NRDE2: variants seen among roughly 807,000 people sequenced by gnomAD.
The protein encoded by NRDE2 is nuclear exosome regulator NRDE2.
A neutral mutation model predicts 124.2 loss-of-function variants in NRDE2; 76 were observed. The observed-to-expected ratio is 0.61, with a 90% CI of 0.51 to 0.74. NRDE2 has a LOEUF of 0.74. Among genes scored for constraint, NRDE2 ranks in the 30% least tolerant of loss-of-function variants. NRDE2 has a pLI of 0.00. For synonymous variants in NRDE2, 489 were observed against 528.1 expected (o/e 0.93, Z 1.01); for missense variants, 1,314 against 1,417.3 (o/e 0.93, Z 1.17).
At chr14:90,322,064 G>A (rs1273057638) in intron 1 of NRDE2, among the ~76,000 whole-genome samples, 2 of 152,044 alleles carry the variant, frequency 1.3e-5, no homozygotes, top group Admixed American at 1.3e-4. Flanking sequence ...TCCACCCCAC[G>A]CCACGGAGCT....
intron 12 of NRDE2, among the ~76,000 whole-genome samples, chr14:90,285,289 AG>A (rs1892069635): frequency 7.0e-6 from 1 of 143,392 alleles, no homozygotes; most frequent in South Asian, 2.2e-4. Flanking sequence ...AAAAAAAAAA[AG>A]GAAATGTTGA....
At chr14:90,307,405 C>G (rs559673227) in intron 4 of NRDE2, among the ~76,000 whole-genome samples, 2 of 152,152 alleles carry the variant, frequency 1.3e-5, no homozygotes, top group East Asian at 3.9e-4. Context: ...TAAATGAAGG[C>G]ACTTTTGCTA....
At position 90,304,257 on chromosome 14, in the gene NRDE2, CTCT is replaced by C; in HGVS notation, c.680_682del (p.Lys227del). On this transcript the variant is annotated inframe_deletion, in exon 5 of 14. Coordinates refer to ENST00000354366, the MANE Select transcript of NRDE2 (RefSeq NM_017970.4). ...TCCATCGATGTTCATTAATCCCACA[CTCT>C]TCTTAGTAAAATAGCGTTCAACCTG... The C allele has an allele frequency of 6.2e-7, 1 of 1,614,184 alleles. No individual in the cohort carries two copies. The highest frequency in any genetic ancestry group is 8.5e-7 in the Non-Finnish European group (1 of 1,180,038).
rs764544257 is a variant in NRDE2 at position 90,303,119 on chromosome 14, C to T, written c.1012G>A (p.Val338Ile). 6.2e-7 allele frequency: 1 copy of T among 1,608,038 alleles called. No individual in the cohort carries two copies. The highest frequency in any genetic ancestry group is 1.1e-5 in the South Asian group (1 of 90,360). Residue 338 changes from valine to isoleucine, a missense_variant, in exon 6 of 14, where the codon GTC becomes ATC. Val to Ile is a conservative substitution (Grantham distance 29). Transcript: ENST00000354366. ...GCATACAGGCCAGGACTTTTCATGA[C>T]CTCGTCCTCAACAACAAAAACACCA... ...WMAFVAFQDE[V>I]MKSPGLYAIE...
At chr14:90,289,204 G>A in intron 10 of NRDE2, 59 bp from the exon 11 acceptor site, 1 of 1,389,928 alleles carries the variant, frequency 7.2e-7, no homozygotes, top group Non-Finnish European at 9.9e-7. Context: ...GTCCTCTGCT[G>A]CCAACTGTAG....
In NRDE2 at chr14:90,274,196, C is replaced by G. The variant is rs1313223949; in HGVS notation, c.*4140G>C. ...GAGCTGTCCATGTGGAGGAACACCACAGCACGGGGACTCAGCATGGGCAGG... is the reference window on the plus strand; with the variant it reads ...GAGCTGTCCATGTGGAGGAACACCAGAGCACGGGGACTCAGCATGGGCAGG... On this transcript the variant is annotated 3_prime_UTR_variant, in exon 14 of 14. Coordinates refer to ENST00000354366, the MANE Select transcript of NRDE2 (RefSeq NM_017970.4). 1 of 155,072 alleles carries G rather than the reference C, an allele frequency of 6.4e-6. No individual in the cohort carries two copies. Among genetic ancestry groups the G allele is most frequent in the Non-Finnish European group, 1.5e-5 (1 of 68,602 alleles). 9.6% of individuals were successfully genotyped at this position (155,072 alleles called of 1,614,324 possible). A position where few individuals can be genotyped will look rare whatever the true frequency, so the allele number is the denominator to read the frequency against.
intron 12 of NRDE2, among the ~76,000 whole-genome samples, chr14:90,282,485 A>T (rs1303070342): frequency 6.6e-6 from 1 of 151,918 alleles, no homozygotes; most frequent in Non-Finnish European, 1.5e-5. Context: ...CTCAAAAAAA[A>T]AAAACAAAAA....
At position 90,278,308 on chromosome 14, in the gene NRDE2, C is replaced by T. The variant is rs749024128; in HGVS notation, c.*28G>A. On this transcript the variant is annotated 3_prime_UTR_variant, in exon 14 of 14. Coordinates refer to ENST00000354366, the MANE Select transcript of NRDE2 (RefSeq NM_017970.4). ...CCGCAGGGTGGGCAACTTGGCCTCGCAGGCACAGCCCGTTTTCCCGCTGCT... is the reference window on the plus strand; with the variant it reads ...CCGCAGGGTGGGCAACTTGGCCTCGTAGGCACAGCCCGTTTTCCCGCTGCT... 6.2e-7 allele frequency: 1 copy of T among 1,613,728 alleles called. No homozygotes were observed. The highest frequency in any genetic ancestry group is 8.5e-7 in the Non-Finnish European group (1 of 1,179,752).
At position 90,268,904 on chromosome 14, in the gene NRDE2, TG is replaced by T. The variant is rs1891588818; in HGVS notation, c.*9431del. ...AATAGAAATGTATTTCCCACAGTTC[TG>T]GAGGCTGAGAAGCCCAAGATCAAGG... On this transcript the variant is annotated 3_prime_UTR_variant, in exon 14 of 14. Coordinates refer to ENST00000354366, the MANE Select transcript of NRDE2 (RefSeq NM_017970.4). The T allele has an allele frequency of 6.3e-6, 1 of 159,842 alleles. No homozygotes were observed. The highest frequency in any genetic ancestry group is 1.4e-5 in the Non-Finnish European group (1 of 72,996). 9.9% of individuals were successfully genotyped at this position (159,842 alleles called of 1,614,324 possible).
Position 90,292,835 on chromosome 14 carries a change from T to A in NRDE2, c.1704A>T (p.Glu568Asp). Residue 568 changes from glutamate (E) to aspartate (D), a missense_variant, in exon 9 of 14, where the codon GAA becomes GAT. Glu to Asp is a conservative substitution (Grantham distance 45). Coordinates refer to ENST00000354366, the MANE Select transcript of NRDE2 (RefSeq NM_017970.4). The stretch of plus-strand genomic sequence containing the variant: ...ACCTGGGCAGAGTCTTATCTTTTAT[T>A]TCCTGGTCATCCTCTTCTGGTTCAT... ...DDDEPEEDDQ[E>D]IKDKTLPRWQ... is the part of the protein sequence containing the mutation. 6.2e-7 allele frequency: 1 copy of A among 1,614,118 alleles called. No homozygotes were observed. Among genetic ancestry groups the A allele is most frequent in the Non-Finnish European group, 8.5e-7 (1 of 1,179,974 alleles).
rs1426709586 is a variant in NRDE2 at position 90,286,512 on chromosome 14, G to A, written c.3159-20C>T. ...TCTAACCTGCAAGGCAAAGGCTCACGTGACTCTGACACAAGCTCTCTCATC... is the reference window on the plus strand; with the variant it reads ...TCTAACCTGCAAGGCAAAGGCTCACATGACTCTGACACAAGCTCTCTCATC... On this transcript the variant is annotated intron_variant, in intron 11 of 13. Transcript: ENST00000354366. The A allele has an allele frequency of 6.2e-6, 10 of 1,608,316 alleles. No homozygotes were observed. The highest frequency in any genetic ancestry group is 3.4e-5 in the Admixed American group (2 of 58,778).
At chr14:90,284,356 T>TA (rs1317257668) in intron 12 of NRDE2, among the ~76,000 whole-genome samples, 1 of 151,746 alleles carries the variant, frequency 6.6e-6, no homozygotes, top group Non-Finnish European at 1.5e-5. Flanking sequence ...TTCTATTTTT[T>TA]TTTTTTTTTT....
chr14:90,295,398 G>C (rs1040325784), intron 8 of NRDE2, among the ~76,000 whole-genome samples: 9 of 151,946 alleles, frequency 5.9e-5, no homozygotes, highest in Admixed American at 5.9e-4. Flanking sequence ...CCAATATTCT[G>C]CCTAAATGCT....
chr14:90,309,571 ACT>A (rs1190551532), intron 4 of NRDE2, among the ~76,000 whole-genome samples: 1 of 151,462 alleles, frequency 6.6e-6, no homozygotes, highest in Non-Finnish European at 1.5e-5. Flanking sequence ...CCTCACAGTT[ACT>A]CTCTTCCTAT....
intron 4 of NRDE2, among the ~76,000 whole-genome samples, chr14:90,307,981 G>A (rs1489457887): frequency 2.0e-5 from 3 of 152,166 alleles, no homozygotes; most frequent in African/African-American, 4.8e-5. Context: ...CCCCTGGCCT[G>A]AAGCGATCCT....
Position 90,269,512 on chromosome 14 carries a change from C to T in NRDE2, c.*8824G>A, listed in dbSNP as rs1279695518. 1.9e-6 allele frequency: 3 copies of T among 1,613,726 alleles called. No individual in the cohort carries two copies. Among genetic ancestry groups the T allele is most frequent in the Admixed American group, 1.7e-5 (1 of 59,980 alleles). On this transcript the variant is annotated 3_prime_UTR_variant, in exon 14 of 14. Transcript: ENST00000354366. ...TGTGAAAGTTATCATGGCCACAAAC[C>T]GAATAGAAACTTTGGATCCAGCACT...
At chr14:90,304,836 C>T (rs948969240) in intron 4 of NRDE2, among the ~76,000 whole-genome samples, 1 of 152,148 alleles carries the variant, frequency 6.6e-6, no homozygotes, top group African/African-American at 2.4e-5. Context: ...TCAATATTTT[C>T]CTGTGTCCCT....
At chr14:90,311,532 C>T (rs971570466) in intron 4 of NRDE2, among the ~76,000 whole-genome samples, 9 of 152,176 alleles carry the variant, frequency 5.9e-5, no homozygotes, top group African/African-American at 1.7e-4. Context: ...CCATGTAAGA[C>T]GTGCCTTTGC....
Position 90,272,200 on chromosome 14 carries a change from T to C in NRDE2, c.*6136A>G, listed in dbSNP as rs1430698725. 2.6e-6 allele frequency: 4 copies of C among 1,565,368 alleles called. No homozygotes were observed. The African/African-American group carries it at 4.1e-5, about 16-fold the overall frequency. The stretch of plus-strand genomic sequence containing the variant: ...TGAGCCACCGCGCCTGGCCTCAGAA[T>C]AGGTTTTTTGGAATTCCTTGTTAGA... On this transcript the variant is annotated 3_prime_UTR_variant, in exon 14 of 14. Transcript: ENST00000354366. The surrounding 1 kb of genome is among the most constrained non-coding windows in gnomAD (Gnocchi z 4.5).
Sources: allele counts gnomAD v4.1 joint callset (sites outside exome capture counted in the v4.1 genomes callset), GRCh38; gene constraint gnomAD v4.1.1; non-coding constraint Gnocchi (gnomAD v3.1); transcripts MANE v1.5; gene names NCBI Gene and HGNC (gene_info 2026-07-23, HGNC 2026-07-21).